ACKR3: variants seen among roughly 807,000 people sequenced by gnomAD.
ACKR3 encodes the protein C-X-C chemokine receptor type 7.
A neutral mutation model predicts 22.4 loss-of-function variants in ACKR3; 6 were observed. That is an observed-to-expected ratio of 0.27 (90% CI 0.15 to 0.53). ACKR3 has a LOEUF of 0.53. Among genes scored for constraint, ACKR3 ranks in the 20% least tolerant of loss-of-function variants. The pLI, the probability that ACKR3 is intolerant of heterozygous loss-of-function variation, is 0.96. For synonymous variants in ACKR3, 209 were observed against 205.2 expected, an observed-to-expected ratio of 1.02 and a Z score of -0.16; for missense variants, 396 against 475.2, an observed-to-expected ratio of 0.83 and a Z score of 1.55.
chr2:236,560,316 C>T, the ACKR3 span, among the ~76,000 whole-genome samples: 9,861 of 118,818 alleles, frequency 0.083, 1,008 homozygotes, highest in East Asian at 0.26. Flanking sequence ...CACTTGTTGC[C>T]TTTTTTTTTT....
chr2:236,543,522 T>C, the ACKR3 span, among the ~76,000 whole-genome samples: 1 of 151,554 alleles, frequency 6.6e-6, no homozygotes, highest in Non-Finnish European at 1.5e-5. Context: ...TTGGAGAGAG[T>C]TATTGATATG....
chr2:236,569,266 A>G (rs1430568534), upstream of ACKR3, among the ~76,000 whole-genome samples: 1 of 152,262 alleles, frequency 6.6e-6, no homozygotes, highest in East Asian at 1.9e-4. Context: ...AATCTATTAT[A>G]AAGACTCTTT....
chr2:236,554,516 T>C, the ACKR3 span, among the ~76,000 whole-genome samples: 1 of 152,116 alleles, frequency 6.6e-6, no homozygotes. Context: ...AGATAGGGCA[T>C]CCAGGGAGAA....
chr2:236,560,139 T>C, the ACKR3 span, among the ~76,000 whole-genome samples: 1,732 of 152,326 alleles, frequency 0.011, 28 homozygotes, highest in African/African-American at 0.038. Context: ...ACAACATTTA[T>C]TTCAAATCTT....
At position 236,577,180 on chromosome 2, in the gene ACKR3, CAGTG is replaced by C. The variant is rs1271142397; in HGVS notation, c.-26-3257_-26-3254del. Among the ~76,000 whole-genome samples, 1 of 152,128 alleles carries C rather than the reference CAGTG, an allele frequency of 6.6e-6. No individual in the cohort carries two copies. The highest frequency in any genetic ancestry group is 1.5e-5 in the Non-Finnish European group (1 of 68,030). On this transcript the variant is annotated intron_variant, in intron 1 of 1. Transcript: ENST00000272928. The surrounding 1 kb of genome is among the most constrained non-coding windows in gnomAD (Gnocchi z 5.6). ...GATAGGTGGCCGGTGATCGGTGGGGCAGTGAGGAGCTCCAGCCTCCGCTCTCTCA... is the reference window on the plus strand; with the variant it reads ...GATAGGTGGCCGGTGATCGGTGGGGCAGGAGCTCCAGCCTCCGCTCTCTCA...
the ACKR3 span, among the ~76,000 whole-genome samples, chr2:236,552,554 GGAGA>G: frequency 6.6e-6 from 1 of 152,232 alleles, no homozygotes; most frequent in Admixed American, 6.5e-5. Context: ...TGGGAGGAGG[GGAGA>G]GAGATAATTT....
At chr2:236,557,288 G>A in the ACKR3 span, among the ~76,000 whole-genome samples, 6 of 151,084 alleles carry the variant, frequency 4.0e-5, no homozygotes, top group African/African-American at 9.8e-5. Flanking sequence ...GTGTGCATAC[G>A]TATAGATGTC....
chr2:236,578,287 G>T (rs982620754), intron 1 of ACKR3, among the ~76,000 whole-genome samples: 1 of 152,212 alleles, frequency 6.6e-6, no homozygotes, highest in Non-Finnish European at 1.5e-5. Context: ...CTAGAGCTGC[G>T]TCTTAGGACA....
the ACKR3 span, among the ~76,000 whole-genome samples, chr2:236,552,917 T>C: frequency 2.6e-5 from 4 of 152,176 alleles, no homozygotes; most frequent in Admixed American, 2.6e-4. Context: ...GTTTGAGAAA[T>C]TTGCAGAAGT....
chr2:236,555,996 C>T, the ACKR3 span, among the ~76,000 whole-genome samples: 865 of 152,218 alleles, frequency 5.7e-3, 7 homozygotes, highest in African/African-American at 0.019. Context: ...CCTTTCTCAA[C>T]AATTCAGTCC....
upstream of ACKR3, chr2:236,567,762 G>A (rs1691216706): frequency 6.6e-6 from 1 of 152,434 alleles, no homozygotes; most frequent in Non-Finnish European, 1.5e-5. Flanking sequence ...TAGGGGACGG[G>A]TGGGGGACGT....
chr2:236,567,861 G>C (rs2106496156), upstream of ACKR3: 1 of 153,490 alleles, frequency 6.5e-6, no homozygotes, highest in East Asian at 1.9e-4. Flanking sequence ...GAACAAGTCT[G>C]GGCGCGGGGA....
At chr2:236,580,081 G>A (rs1008633490) in intron 1 of ACKR3, among the ~76,000 whole-genome samples, 6 of 152,208 alleles carry the variant, frequency 3.9e-5, no homozygotes, top group African/African-American at 1.2e-4. Flanking sequence ...TCAGCATCGC[G>A]GTGGCCGGGG....
chr2:236,540,515 A>C, the ACKR3 span, among the ~76,000 whole-genome samples: 3 of 152,052 alleles, frequency 2.0e-5, no homozygotes, highest in East Asian at 1.9e-4. Context: ...ACTTTGATTA[A>C]CTCAAATTTG....
the ACKR3 span, among the ~76,000 whole-genome samples, chr2:236,556,602 C>T: frequency 6.6e-6 from 1 of 152,170 alleles, no homozygotes; most frequent in South Asian, 2.1e-4. Flanking sequence ...AGATGCAGCC[C>T]CAAAGCCTCC....
intron 1 of ACKR3, among the ~76,000 whole-genome samples, chr2:236,571,618 G>GAA (rs397988342): frequency 0.013 from 1,029 of 76,328 alleles, 6 homozygotes; most frequent in Middle Eastern, 0.039. Flanking sequence ...CTTTCTGAAT[G>GAA]AAAAAAAAAA....
the ACKR3 span, among the ~76,000 whole-genome samples, chr2:236,541,851 G>A: frequency 6.6e-6 from 1 of 152,150 alleles, no homozygotes; most frequent in Non-Finnish European, 1.5e-5. Context: ...CACATGCTCT[G>A]TTGTCTGCCA....
chr2:236,553,078 C>G, the ACKR3 span, among the ~76,000 whole-genome samples: 1 of 152,184 alleles, frequency 6.6e-6, no homozygotes, highest in Non-Finnish European at 1.5e-5. Flanking sequence ...TAATTTTGTC[C>G]GTTCCAGGCC....
the ACKR3 span, among the ~76,000 whole-genome samples, chr2:236,543,613 A>G: frequency 6.6e-6 from 1 of 152,116 alleles, no homozygotes; most frequent in Non-Finnish European, 1.5e-5. Context: ...CTCACCCTCC[A>G]GAGTGGGTGC....
Sources: gnomAD v4.1 joint callset for allele counts (sites outside exome capture counted in the v4.1 genomes callset) on GRCh38, gnomAD v4.1.1 for gene constraint, Gnocchi (gnomAD v3.1) non-coding constraint, MANE v1.5 for transcripts, NCBI Gene and HGNC (gene_info 2026-07-23, HGNC 2026-07-21) for gene names.